GALNT17: variants seen among roughly 807,000 people sequenced by gnomAD.
GALNT17 encodes polypeptide N-acetylgalactosaminyltransferase 17.
GALNT17 carries 29 observed loss-of-function variants against 63.7 expected under a neutral mutation model. The ratio of observed to expected loss-of-function variants is 0.46; its 90% CI spans 0.34 to 0.62. GALNT17 has a LOEUF of 0.62. GALNT17 is among the 20% of genes least tolerant of loss of function. GALNT17 has a pLI of 0.01. For missense variants in GALNT17, 603 were observed against 799.6 expected, an observed-to-expected ratio of 0.75 and a Z score of 2.97; for synonymous variants, 305 against 318.3, an observed-to-expected ratio of 0.96 and a Z score of 0.45.
intron 9 of GALNT17, among the ~76,000 whole-genome samples, chr7:71,696,858 G>A (rs1000517381): frequency 1.3e-5 from 2 of 152,146 alleles, no homozygotes; most frequent in Middle Eastern, 3.4e-3. Context: ...TACTTTTGTT[G>A]GTCCTTAATG....
intron 3 of GALNT17, among the ~76,000 whole-genome samples, chr7:71,405,743 T>C (rs59639465): frequency 0.034 from 5,167 of 152,144 alleles, 146 homozygotes; most frequent in East Asian, 0.11. Context: ...GGGGCCTCTT[T>C]TGTAAGGACA....
chr7:71,365,520 G>A (rs1334430248), intron 2 of GALNT17, among the ~76,000 whole-genome samples: 3 of 152,190 alleles, frequency 2.0e-5, no homozygotes, highest in East Asian at 1.9e-4. Context: ...GATTATAGGC[G>A]TGAGCCACAG....
At chr7:71,608,920 T>C (rs541644012) in intron 6 of GALNT17, among the ~76,000 whole-genome samples, 1 of 151,476 alleles carries the variant, frequency 6.6e-6, no homozygotes, top group African/African-American at 2.4e-5. Flanking sequence ...CTGGGGACTA[T>C]AGGTGCTTAC....
intron 5 of GALNT17, among the ~76,000 whole-genome samples, chr7:71,428,689 G>A (rs574750959): frequency 1.1e-4 from 17 of 152,120 alleles, no homozygotes; most frequent in Admixed American, 3.9e-4. Flanking sequence ...TGCCCACCTC[G>A]GCCTCCCAAA....
chr7:71,692,872 G>T (rs1238006553), intron 9 of GALNT17, among the ~76,000 whole-genome samples: 1 of 151,488 alleles, frequency 6.6e-6, no homozygotes, highest in African/African-American at 2.4e-5. Context: ...CAGAGTAACT[G>T]GGATTACAGG....
At chr7:71,191,488 T>A (rs1353739441) in intron 1 of GALNT17, among the ~76,000 whole-genome samples, 1 of 152,150 alleles carries the variant, frequency 6.6e-6, no homozygotes, top group African/African-American at 2.4e-5. Flanking sequence ...AGGAAAGCAG[T>A]GTAGACAATA....
At chr7:71,667,986 A>G (rs367596229) in intron 7 of GALNT17, among the ~76,000 whole-genome samples, 43 of 152,118 alleles carry the variant, frequency 2.8e-4, no homozygotes, top group African/African-American at 1.0e-3. Flanking sequence ...TTTTGTAGAG[A>G]CAAGGTTTTG....
chr7:71,698,451 T>C (rs1791577918), intron 9 of GALNT17, among the ~76,000 whole-genome samples: 1 of 152,150 alleles, frequency 6.6e-6, no homozygotes, highest in Non-Finnish European at 1.5e-5. Context: ...ACTGAACTAT[T>C]AGAAGGAAGT....
At chr7:71,512,641 G>A (rs1030061784) in intron 5 of GALNT17, among the ~76,000 whole-genome samples, 6 of 152,188 alleles carry the variant, frequency 3.9e-5, no homozygotes, top group Non-Finnish European at 4.4e-5. Flanking sequence ...TGAGGCTGGA[G>A]CTATTTTTCA....
At chr7:71,474,136 A>G (rs930027876) in intron 5 of GALNT17, among the ~76,000 whole-genome samples, 2 of 152,174 alleles carry the variant, frequency 1.3e-5, no homozygotes, top group African/African-American at 4.8e-5. Context: ...GGATATTGCC[A>G]TGGCATTCGT....
intron 2 of GALNT17, among the ~76,000 whole-genome samples, chr7:71,354,902 C>G (rs527628169): frequency 6.6e-6 from 1 of 152,258 alleles, no homozygotes; most frequent in East Asian, 1.9e-4. Flanking sequence ...AGGTTTCTGT[C>G]TCTAATGATG....
intron 2 of GALNT17, among the ~76,000 whole-genome samples, chr7:71,337,557 G>A (rs555579241): frequency 3.0e-4 from 45 of 152,176 alleles, no homozygotes; most frequent in Admixed American, 1.6e-3. Flanking sequence ...TTTTTTGCAT[G>A]AGATTCTTGC....
chr7:71,484,230 A>T (rs1327778571), intron 5 of GALNT17, among the ~76,000 whole-genome samples: 1 of 152,186 alleles, frequency 6.6e-6, no homozygotes, highest in African/African-American at 2.4e-5. Flanking sequence ...GCTCATGCCT[A>T]TAATCCCAAC....
intron 5 of GALNT17, among the ~76,000 whole-genome samples, chr7:71,557,891 G>A (rs1205227697): frequency 6.6e-6 from 1 of 152,004 alleles, no homozygotes; most frequent in South Asian, 2.1e-4. Flanking sequence ...TGGCTAACAT[G>A]GTGAAACCCC....
chr7:71,235,148 G>A (rs894688594), intron 1 of GALNT17, among the ~76,000 whole-genome samples: 13 of 152,156 alleles, frequency 8.5e-5, no homozygotes, highest in East Asian at 1.9e-4. Flanking sequence ...CTACTCGGGA[G>A]GCTGAGGCAG....
chr7:71,339,853 T>C (rs756696587), intron 2 of GALNT17, among the ~76,000 whole-genome samples: 33 of 151,954 alleles, frequency 2.2e-4, no homozygotes, highest in Non-Finnish European at 4.1e-4. Flanking sequence ...GAACATACCA[T>C]TTACATGTGA....
chr7:71,682,996 G>A (rs965994294), intron 9 of GALNT17, among the ~76,000 whole-genome samples: 3 of 152,076 alleles, frequency 2.0e-5, no homozygotes. Context: ...GCACAGTGTG[G>A]CCCCTTTGTT....
intron 9 of GALNT17, among the ~76,000 whole-genome samples, chr7:71,710,476 C>A (rs1791776541): frequency 6.6e-6 from 1 of 152,006 alleles, no homozygotes; most frequent in Admixed American, 6.6e-5. Context: ...CCATTGCACT[C>A]CAGACAGGAC....
chr7:71,270,837 G>T (rs1244376364), intron 1 of GALNT17, among the ~76,000 whole-genome samples: 1 of 150,610 alleles, frequency 6.6e-6, no homozygotes, highest in African/African-American at 2.4e-5. Context: ...AAGTTCAGCT[G>T]CAGGAAAAAA....
Sources: gnomAD v4.1 joint callset for allele counts (sites outside exome capture counted in the v4.1 genomes callset) on GRCh38, gnomAD v4.1.1 for gene constraint, MANE v1.5 for transcripts, NCBI Gene and HGNC (gene_info 2026-07-23, HGNC 2026-07-21) for gene names.